The following KLF12 variants were observed in gnomAD, a reference collection of about 807,000 sequenced individuals.
KLF12 encodes the protein Krueppel-like factor 12.
A neutral mutation model predicts 37.8 loss-of-function variants in KLF12; 9 were observed. The observed-to-expected ratio is 0.24, with a 90% confidence interval of 0.14 to 0.42. KLF12 has a LOEUF of 0.42. Among genes scored for constraint, KLF12 ranks in the 10% least tolerant of loss-of-function variants. The pLI is 1.00. For missense variants in KLF12, 411 were observed against 516.0 expected (o/e 0.80, Z 1.97); for synonymous variants, 208 against 202.1 (o/e 1.03, Z -0.25).
chr13:74,153,916 C>G, the KLF12 span, among the ~76,000 whole-genome samples: 1 of 151,992 alleles, frequency 6.6e-6, no homozygotes, highest in African/African-American at 2.4e-5. Flanking sequence ...GATATGAACC[C>G]CCCACCGAAG....
At chr13:73,924,088 C>T (rs1889255315) in intron 3 of KLF12, among the ~76,000 whole-genome samples, 1 of 152,224 alleles carries the variant, frequency 6.6e-6, no homozygotes, top group Non-Finnish European at 1.5e-5. Context: ...AAAGAAAGCA[C>T]TCTGAAGCAT....
At chr13:74,174,401 C>T in the KLF12 span, among the ~76,000 whole-genome samples, 1 of 146,340 alleles carries the variant, frequency 6.8e-6, no homozygotes, top group Admixed American at 6.9e-5. Context: ...GGCGCGAACT[C>T]GGGCTAATTT....
chr13:74,241,072 G>GT, the KLF12 span, among the ~76,000 whole-genome samples: 108 of 152,222 alleles, frequency 7.1e-4, no homozygotes, highest in African/African-American at 2.5e-3. Flanking sequence ...CATCTTTGTG[G>GT]TTTTATCTAC....
At chr13:74,247,367 C>T in the KLF12 span, among the ~76,000 whole-genome samples, 1 of 152,134 alleles carries the variant, frequency 6.6e-6, no homozygotes, top group Admixed American at 6.5e-5. Context: ...AAAAAAATAC[C>T]AGCCACACAT....
intron 3 of KLF12, among the ~76,000 whole-genome samples, chr13:73,889,509 C>CA (rs150220155): frequency 6.6e-5 from 10 of 152,198 alleles, no homozygotes; most frequent in Non-Finnish European, 1.3e-4. Context: ...TAAAATATCT[C>CA]ACATAAATTT....
chr13:73,786,489 G>A (rs1881351596), intron 5 of KLF12, among the ~76,000 whole-genome samples: 1 of 152,056 alleles, frequency 6.6e-6, no homozygotes, highest in South Asian at 2.1e-4. Context: ...TTTCCCCTAG[G>A]CTTGTATTTG....
chr13:74,243,681 T>C, the KLF12 span, among the ~76,000 whole-genome samples: 1 of 152,344 alleles, frequency 6.6e-6, no homozygotes, highest in East Asian at 1.9e-4. Context: ...ATTGTGGTTT[T>C]GATTTGCGTT....
intron 1 of KLF12, among the ~76,000 whole-genome samples, chr13:74,108,147 A>G (rs1027545701): frequency 6.6e-6 from 1 of 152,112 alleles, no homozygotes; most frequent in Non-Finnish European, 1.5e-5. Flanking sequence ...GCTCTTTCAA[A>G]TTTATTTTAA....
rs1159953344 is a variant in KLF12 at position 73,692,763 on chromosome 13, T to A, written c.*2727A>T. 6.6e-6 allele frequency: 1 copy of A among 152,656 alleles called. No individual in the cohort carries two copies. Among genetic ancestry groups the A allele is most frequent in the Non-Finnish European group, 1.5e-5 (1 of 68,042 alleles). 9.5% of individuals were successfully genotyped at this position (152,656 alleles called of 1,614,324 possible). ...CAGTTCCTGAGGCTAGACCAGGGACTCAATTCACTTAATTGTGCTTAGATC... is the reference window on the plus strand; with the variant it reads ...CAGTTCCTGAGGCTAGACCAGGGACACAATTCACTTAATTGTGCTTAGATC... On this transcript the variant is annotated 3_prime_UTR_variant, in exon 8 of 8. Coordinates refer to ENST00000377669, the MANE Select transcript of KLF12 (RefSeq NM_007249.5).
At chr13:73,899,227 A>G (rs1887928179) in intron 3 of KLF12, among the ~76,000 whole-genome samples, 1 of 152,220 alleles carries the variant, frequency 6.6e-6, no homozygotes, top group Non-Finnish European at 1.5e-5. Flanking sequence ...AGCATGATCT[A>G]TATGGGAAAC....
chr13:73,728,903 T>C (rs1265879495), intron 6 of KLF12, among the ~76,000 whole-genome samples: 1 of 152,178 alleles, frequency 6.6e-6, no homozygotes, highest in Non-Finnish European at 1.5e-5. Context: ...ATTAGGATAA[T>C]GCTGGTATCA....
At chr13:73,884,979 C>T (rs1005784054) in intron 3 of KLF12, among the ~76,000 whole-genome samples, 4 of 152,186 alleles carry the variant, frequency 2.6e-5, no homozygotes, top group Admixed American at 2.6e-4. Context: ...CGGCAGTCTT[C>T]ATAATCTTCT....
chr13:73,984,288 C>T lies in KLF12; in HGVS notation c.33+10702G>A, dbSNP rs113819175. On this transcript the variant is annotated intron_variant, in intron 2 of 7. Coordinates refer to ENST00000377669, the MANE Select transcript of KLF12 (RefSeq NM_007249.5). ...CTCGGGGCAGTAGTGAAGCACCTGC[C>T]GCATGCATCTCACACTGGGAAGGTG... Among the ~76,000 whole-genome samples the T allele has an allele frequency of 1.5e-3, 230 of 152,266 alleles. 1 individual carries two copies. The highest frequency in any genetic ancestry group is 4.8e-3 in the African/African-American group (201 of 41,524).
At chr13:74,013,433 G>GT (rs1399980181) in intron 1 of KLF12, among the ~76,000 whole-genome samples, 1 of 152,198 alleles carries the variant, frequency 6.6e-6, no homozygotes, top group Non-Finnish European at 1.5e-5. Context: ...CTCCTGACAA[G>GT]TTTGCCCTAC....
At chr13:73,922,688 TAA>T (rs1338785991) in intron 3 of KLF12, among the ~76,000 whole-genome samples, 1 of 152,092 alleles carries the variant, frequency 6.6e-6, no homozygotes, top group Non-Finnish European at 1.5e-5. Context: ...CTCAATAAAT[TAA>T]AAGACAGTGA....
intron 4 of KLF12, among the ~76,000 whole-genome samples, chr13:73,840,115 C>G (rs1181464281): frequency 6.6e-6 from 1 of 152,156 alleles, no homozygotes; most frequent in Non-Finnish European, 1.5e-5. Flanking sequence ...TGAACACTCC[C>G]TCGCCAAATG....
At chr13:74,084,784 C>A in intron 1 of KLF12, among the ~76,000 whole-genome samples, 1 of 150,812 alleles carries the variant, frequency 6.6e-6, no homozygotes, top group South Asian at 2.1e-4. Flanking sequence ...TCTACTCCAT[C>A]AAACAATAAA....
the KLF12 span, among the ~76,000 whole-genome samples, chr13:74,248,311 C>T: frequency 6.6e-6 from 1 of 152,154 alleles, no homozygotes; most frequent in Non-Finnish European, 1.5e-5. Context: ...ATGCAGGTGG[C>T]CAGCCAGTCT....
At chr13:73,948,501 G>A (rs973633537) in intron 2 of KLF12, among the ~76,000 whole-genome samples, 26 of 152,232 alleles carry the variant, frequency 1.7e-4, no homozygotes, top group African/African-American at 6.0e-4. Flanking sequence ...ATACAGGCAT[G>A]AGCCACCAGG....
Sources: gnomAD v4.1 joint callset for allele counts (sites outside exome capture counted in the v4.1 genomes callset) on GRCh38, gnomAD v4.1.1 for gene constraint, MANE v1.5 for transcripts, NCBI Gene and HGNC (gene_info 2026-07-23, HGNC 2026-07-21) for gene names.